The following DLGAP1 variants were observed in gnomAD, a reference collection of about 807,000 sequenced individuals.
DLGAP1 encodes disks large-associated protein 1.
DLGAP1 carries 11 observed loss-of-function variants against 90.8 expected under a neutral mutation model. The ratio of observed to expected loss-of-function variants is 0.12; its 90% CI spans 0.08 to 0.20. The LOEUF (loss-of-function observed/expected upper bound fraction) is 0.20. Ranked by LOEUF, DLGAP1 falls within the 10% of genes least tolerant of loss-of-function variation. The pLI, the probability that DLGAP1 is intolerant of heterozygous loss-of-function variation, is 1.00. For missense variants in DLGAP1, 1,050 were observed against 1,333.8 expected, an observed-to-expected ratio of 0.79 and a Z score of 3.31; for synonymous variants, 558 against 540.7, an observed-to-expected ratio of 1.03 and a Z score of -0.44.
intron 7 of DLGAP1, among the ~76,000 whole-genome samples, chr18:3,649,409 A>C (rs940840341): frequency 6.6e-6 from 1 of 152,228 alleles, no homozygotes; most frequent in Non-Finnish European, 1.5e-5. Flanking sequence ...GGGAGAAGCA[A>C]GGATTTATAA....
chr18:4,363,647 A>G (rs1403413917), intron 1 of DLGAP1, among the ~76,000 whole-genome samples: 1 of 152,248 alleles, frequency 6.6e-6, no homozygotes, highest in Non-Finnish European at 1.5e-5. Context: ...CAAAAAACAC[A>G]TGAAAAAATG....
At chr18:4,178,239 ACAC>A in intron 1 of DLGAP1, among the ~76,000 whole-genome samples, 1 of 151,102 alleles carries the variant, frequency 6.6e-6, no homozygotes, top group Non-Finnish European at 1.5e-5. Context: ...ACACACACAC[ACAC>A]ACACACACAC....
chr18:3,803,331 GCGA>G (rs2066402979), intron 5 of DLGAP1, among the ~76,000 whole-genome samples: 1 of 152,116 alleles, frequency 6.6e-6, no homozygotes, highest in African/African-American at 2.4e-5. Flanking sequence ...AGTGGAGAAG[GCGA>G]CGACAATGGA....
intron 4 of DLGAP1, among the ~76,000 whole-genome samples, chr18:3,862,201 G>A (rs527710731): frequency 2.6e-5 from 4 of 152,300 alleles, no homozygotes; most frequent in South Asian, 2.1e-4. Context: ...TGGGTAACAC[G>A]TAAACTGAAC....
At chr18:3,768,591 G>T (rs952954307) in intron 5 of DLGAP1, among the ~76,000 whole-genome samples, 1 of 152,082 alleles carries the variant, frequency 6.6e-6, no homozygotes, top group Admixed American at 6.5e-5. Flanking sequence ...TTGGTGAAAG[G>T]GTAGGAACAC....
intron 1 of DLGAP1, among the ~76,000 whole-genome samples, chr18:4,201,258 TATG>T (rs1568447830): frequency 6.6e-6 from 1 of 152,160 alleles, no homozygotes; most frequent in African/African-American, 2.4e-5. Flanking sequence ...CAGAAGTTTT[TATG>T]ATTTTAGGTC....
At chr18:4,428,940 T>C (rs1169920836) in intron 1 of DLGAP1, among the ~76,000 whole-genome samples, 1 of 152,108 alleles carries the variant, frequency 6.6e-6, no homozygotes, top group Non-Finnish European at 1.5e-5. Flanking sequence ...GAAAACAATC[T>C]ATAATGTAAG....
intron 1 of DLGAP1, among the ~76,000 whole-genome samples, chr18:4,360,293 A>G (rs549170313): frequency 9.2e-5 from 14 of 152,372 alleles, no homozygotes; most frequent in African/African-American, 3.4e-4. Context: ...ATTATAAAAC[A>G]GGAATTAATG....
intron 1 of DLGAP1, among the ~76,000 whole-genome samples, chr18:4,265,524 T>TTTCCTTCCTTCCTTCCCTCCCC (rs2079095606): frequency 8.7e-6 from 1 of 115,514 alleles, no homozygotes; most frequent in Non-Finnish European, 1.8e-5. Flanking sequence ...TTTTTCTTTC[T>TTTCCTTCCTTCCTTCCCTCCCC]TTCCTTCCTT....
At chr18:3,911,944 A>T (rs536489698) in intron 3 of DLGAP1, among the ~76,000 whole-genome samples, 3 of 152,356 alleles carry the variant, frequency 2.0e-5, no homozygotes, top group Admixed American at 1.3e-4. Context: ...GGCCCACAGC[A>T]GCAGCATCAC....
chr18:4,225,418 G>C (rs1167737343), intron 1 of DLGAP1, among the ~76,000 whole-genome samples: 2 of 151,952 alleles, frequency 1.3e-5, no homozygotes, highest in Non-Finnish European at 2.9e-5. Flanking sequence ...CAAGCATCAA[G>C]ACGATCCAGG....
chr18:3,790,965 C>T (rs2065703866), intron 5 of DLGAP1, among the ~76,000 whole-genome samples: 1 of 152,174 alleles, frequency 6.6e-6, no homozygotes. Context: ...ATGGAGGCTA[C>T]TTTCGCTTCA....
At chr18:4,357,276 C>T (rs1379590661) in intron 1 of DLGAP1, among the ~76,000 whole-genome samples, 1 of 151,192 alleles carries the variant, frequency 6.6e-6, no homozygotes, top group East Asian at 2.0e-4. Context: ...GTCTCAGCCT[C>T]CCAAGCAGCT....
At chr18:3,909,476 A>G (rs1221147056) in intron 3 of DLGAP1, among the ~76,000 whole-genome samples, 1 of 152,250 alleles carries the variant, frequency 6.6e-6, no homozygotes, top group African/African-American at 2.4e-5. Flanking sequence ...ACTGTCTAGT[A>G]CTAACACCCA....
chr18:3,958,957 C>A (rs1003558445), intron 3 of DLGAP1, among the ~76,000 whole-genome samples: 7 of 152,210 alleles, frequency 4.6e-5, no homozygotes, highest in African/African-American at 1.7e-4. Context: ...GAACCTTCCC[C>A]TTTCAAGCAT....
intron 7 of DLGAP1, among the ~76,000 whole-genome samples, chr18:3,691,465 C>G (rs986188960): frequency 2.0e-5 from 3 of 149,912 alleles, no homozygotes; most frequent in Non-Finnish European, 4.4e-5. Flanking sequence ...GTTAAATGAA[C>G]ATGTGTATGA....
At chr18:4,285,568 G>A (rs1438854596) in intron 1 of DLGAP1, among the ~76,000 whole-genome samples, 2 of 152,172 alleles carry the variant, frequency 1.3e-5, no homozygotes, top group African/African-American at 4.8e-5. Context: ...ATTGAGCAAT[G>A]AACGACTCAT....
rs370314875 is a variant in DLGAP1 at position 3,944,635 on chromosome 18, C to T, written c.-73+60481G>A. Reference sequence around the variant, plus strand: ...GAGGCCCCATAAGACTGACAGATACCGCTTCTAGGAACCATGCTCATCCCT... The same window carrying T: ...GAGGCCCCATAAGACTGACAGATACTGCTTCTAGGAACCATGCTCATCCCT... On this transcript the variant is annotated intron_variant, in intron 3 of 12. Coordinates refer to ENST00000315677, the MANE Select transcript of DLGAP1 (RefSeq NM_004746.4). 7.9e-5 allele frequency among the ~76,000 whole-genome samples: 12 copies of T among 152,330 alleles called. No individual in the cohort carries two copies. In the South Asian group the frequency reaches 8.3e-4, roughly 11 times the overall value.
At chr18:4,238,238 T>C (rs1472125461) in intron 1 of DLGAP1, among the ~76,000 whole-genome samples, 1 of 152,184 alleles carries the variant, frequency 6.6e-6, no homozygotes, top group Non-Finnish European at 1.5e-5. Flanking sequence ...TGAGATGGTA[T>C]CTGTAAACGT....
Sources: allele counts gnomAD v4.1 joint callset (sites outside exome capture counted in the v4.1 genomes callset), GRCh38; gene constraint gnomAD v4.1.1; transcripts MANE v1.5; gene names NCBI Gene and HGNC (gene_info 2026-07-23, HGNC 2026-07-21).